Variants in SLC30A8 observed in about 807,000 individuals in gnomAD.
The protein encoded by SLC30A8 is solute carrier family 30 member 8, also known as proton-coupled zinc antiporter SLC30A8.
A neutral mutation model predicts 36.9 loss-of-function variants in SLC30A8; 27 were observed. The ratio of observed to expected loss-of-function variants is 0.73; its 90% CI spans 0.54 to 1.01. The LOEUF (loss-of-function observed/expected upper bound fraction) is 1.01, where lower values mean the gene tolerates loss of function less well. Among genes scored for constraint, SLC30A8 ranks in the 50% least tolerant of loss-of-function variants. The pLI is 0.00. For missense variants in SLC30A8, 439 were observed against 452.0 expected, an observed-to-expected ratio of 0.97 and a Z score of 0.26; for synonymous variants, 164 against 172.4, an observed-to-expected ratio of 0.95 and a Z score of 0.38.
At chr8:117,139,874 A>G (rs1821568298) in intron 1 of SLC30A8, among the ~76,000 whole-genome samples, 1 of 151,824 alleles carries the variant, frequency 6.6e-6, no homozygotes, top group South Asian at 2.1e-4. Context: ...AAAAAAAAAA[A>G]AAAAGTAGAA....
At chr8:116,972,932 T>G (rs1161229967) in intron 1 of SLC30A8, among the ~76,000 whole-genome samples, 1 of 152,198 alleles carries the variant, frequency 6.6e-6, no homozygotes, top group Non-Finnish European at 1.5e-5. Context: ...GTCTGAATGT[T>G]TTAGTCTCTC....
intron 2 of SLC30A8, among the ~76,000 whole-genome samples, chr8:117,040,944 A>ATGT (rs1817367068): frequency 6.6e-6 from 1 of 152,092 alleles, no homozygotes. Flanking sequence ...CTGGCCCATG[A>ATGT]TGTTGCATTT....
At chr8:117,128,135 T>G (rs903147583) in intron 2 of SLC30A8, among the ~76,000 whole-genome samples, 7 of 152,032 alleles carry the variant, frequency 4.6e-5, no homozygotes, top group African/African-American at 1.7e-4. Context: ...CTCCTTGCTT[T>G]CTTCTTTCAG....
chr8:116,983,669 T>G (rs186407201), intron 1 of SLC30A8, among the ~76,000 whole-genome samples: 96 of 152,280 alleles, frequency 6.3e-4, no homozygotes, highest in Admixed American at 1.3e-3. Context: ...TTTTATGTGT[T>G]TCTTAATATA....
chr8:117,169,133 G>C (rs1823229174), intron 6 of SLC30A8, among the ~76,000 whole-genome samples: 1 of 151,996 alleles, frequency 6.6e-6, no homozygotes, highest in South Asian at 2.1e-4. Flanking sequence ...CTGCTTCTAG[G>C]AGCCTAGGTC....
At chr8:117,113,093 G>C (rs1180649131) in intron 2 of SLC30A8, among the ~76,000 whole-genome samples, 1 of 152,164 alleles carries the variant, frequency 6.6e-6, no homozygotes, top group African/African-American at 2.4e-5. Context: ...TCAAATTGTG[G>C]TGAGGGGACC....
intron 2 of SLC30A8, among the ~76,000 whole-genome samples, chr8:117,097,414 A>ATAT: frequency 1.7e-5 from 2 of 119,984 alleles, no homozygotes; most frequent in African/African-American, 7.2e-5. Context: ...AAAAAAAAAA[A>ATAT]AAAAATATAT....
intron 1 of SLC30A8, among the ~76,000 whole-genome samples, chr8:116,979,526 C>T (rs756087352): frequency 6.6e-6 from 1 of 152,152 alleles, no homozygotes; most frequent in Non-Finnish European, 1.5e-5. Context: ...TCTTTGGGTA[C>T]TGGTGGTCTC....
intron 2 of SLC30A8, among the ~76,000 whole-genome samples, chr8:117,089,475 C>T (rs1484918119): frequency 6.6e-6 from 1 of 152,178 alleles, no homozygotes; most frequent in Non-Finnish European, 1.5e-5. Flanking sequence ...CTGACTCCTG[C>T]TTCATTCACA....
At chr8:116,971,380 T>G (rs1330458890) in intron 1 of SLC30A8, among the ~76,000 whole-genome samples, 1 of 152,128 alleles carries the variant, frequency 6.6e-6, no homozygotes. Flanking sequence ...TCCTCTTAAG[T>G]GACTTCTACA....
intron 1 of SLC30A8, among the ~76,000 whole-genome samples, chr8:117,013,755 A>G (rs1047727598): frequency 6.6e-6 from 1 of 152,146 alleles, no homozygotes; most frequent in Non-Finnish European, 1.5e-5. Flanking sequence ...TTTCAAGTCC[A>G]TTTTAATCCC....
At chr8:117,070,327 C>T (rs912311176) in intron 2 of SLC30A8, among the ~76,000 whole-genome samples, 1 of 152,268 alleles carries the variant, frequency 6.6e-6, no homozygotes, top group African/African-American at 2.4e-5. Flanking sequence ...TGATATGGCT[C>T]ATTTCCATGC....
At chr8:116,982,838 G>A (rs998010944) in intron 1 of SLC30A8, among the ~76,000 whole-genome samples, 1 of 152,066 alleles carries the variant, frequency 6.6e-6, no homozygotes, top group African/African-American at 2.4e-5. Flanking sequence ...TGGAGAACCT[G>A]CATCAATTTA....
chr8:117,000,106 C>A (rs1815961248), intron 1 of SLC30A8, among the ~76,000 whole-genome samples: 1 of 152,162 alleles, frequency 6.6e-6, no homozygotes, highest in Admixed American at 6.5e-5. Flanking sequence ...GCTGATTGAG[C>A]TGGTTGCTCT....
chr8:117,018,647 G>A (rs919643597), intron 1 of SLC30A8, among the ~76,000 whole-genome samples: 7 of 150,218 alleles, frequency 4.7e-5, no homozygotes, highest in South Asian at 2.1e-4. Flanking sequence ...TGCGGCCTGT[G>A]GGCCAAATCT....
intron 1 of SLC30A8, among the ~76,000 whole-genome samples, chr8:116,954,467 T>G (rs978796240): frequency 2.0e-5 from 3 of 151,988 alleles, no homozygotes; most frequent in Non-Finnish European, 4.4e-5. Context: ...GAAAAGCTAT[T>G]AAAGAGAGAG....
intron 1 of SLC30A8, among the ~76,000 whole-genome samples, chr8:116,978,664 T>G (rs1366751639): frequency 6.6e-6 from 1 of 152,266 alleles, no homozygotes; most frequent in African/African-American, 2.4e-5. Flanking sequence ...AGCCACATGC[T>G]GTGTATTTAC....
At chr8:117,024,594 A>G (rs959945482) in intron 1 of SLC30A8, among the ~76,000 whole-genome samples, 2 of 152,216 alleles carry the variant, frequency 1.3e-5, no homozygotes, top group Non-Finnish European at 2.9e-5. Context: ...CCATGGGCAT[A>G]TGGTTCAATT....
intron 2 of SLC30A8, among the ~76,000 whole-genome samples, chr8:117,072,262 G>A (rs16889380): frequency 0.018 from 2,796 of 152,098 alleles, 79 homozygotes; most frequent in African/African-American, 0.064. Flanking sequence ...TTAATCCCTC[G>A]CCCATCCCAC....
Sources: allele counts gnomAD v4.1 joint callset (sites outside exome capture counted in the v4.1 genomes callset), GRCh38; gene constraint gnomAD v4.1.1; transcripts MANE v1.5; gene names NCBI Gene and HGNC (gene_info 2026-07-23, HGNC 2026-07-21).